ABCC1: variants seen among roughly 807,000 people sequenced by gnomAD.
ABCC1 encodes multidrug resistance-associated protein 1.
In ABCC1, 83 loss-of-function variants were observed where a neutral mutation model predicts 172.9. The observed-to-expected ratio is 0.48, with a 90% CI of 0.40 to 0.58. The LOEUF (loss-of-function observed/expected upper bound fraction) is 0.58, where lower values mean the gene tolerates loss of function less well. ABCC1 is among the 20% of genes least tolerant of loss of function. ABCC1 has a pLI of 0.00. For missense variants in ABCC1, 1,817 were observed against 2,002.7 expected, an observed-to-expected ratio of 0.91 and a Z score of 1.77; for synonymous variants, 937 against 825.2, an observed-to-expected ratio of 1.14 and a Z score of -2.32.
At chr16:16,074,370 C>T (rs1440754568) in intron 14 of ABCC1, among the ~76,000 whole-genome samples, 3 of 152,264 alleles carry the variant, frequency 2.0e-5, no homozygotes, top group Non-Finnish European at 2.9e-5. Context: ...CCCAGTGTCC[C>T]ACATCCCCTC....
intron 26 of ABCC1, among the ~76,000 whole-genome samples, chr16:16,126,946 A>C (rs959325999): frequency 6.6e-6 from 1 of 152,142 alleles, no homozygotes; most frequent in Admixed American, 6.5e-5. Flanking sequence ...CTGGGGAGGG[A>C]CAACAGCTGA....
At chr16:16,004,883 C>T (rs933632206) in intron 1 of ABCC1, among the ~76,000 whole-genome samples, 1 of 151,666 alleles carries the variant, frequency 6.6e-6, no homozygotes, top group African/African-American at 2.4e-5. Flanking sequence ...GCCATGTTGG[C>T]CGGGCTTGTC....
At chr16:16,074,209 C>T (rs568165910) in intron 14 of ABCC1, among the ~76,000 whole-genome samples, 6 of 152,266 alleles carry the variant, frequency 3.9e-5, no homozygotes, top group Middle Eastern at 3.4e-3. Flanking sequence ...ACAGTAGTAT[C>T]CATCCCAATT....
intron 22 of ABCC1, among the ~76,000 whole-genome samples, chr16:16,112,564 C>A (rs2044664392): frequency 6.6e-6 from 1 of 152,226 alleles, no homozygotes; most frequent in South Asian, 2.1e-4. Flanking sequence ...GTTAATATTT[C>A]CCTCATTTTG....
intron 5 of ABCC1, among the ~76,000 whole-genome samples, chr16:16,028,876 C>T (rs962447608): frequency 2.6e-5 from 4 of 152,082 alleles, no homozygotes; most frequent in Admixed American, 6.6e-5. Context: ...CAGGTCTGTC[C>T]GGGTCCACGG....
intron 23 of ABCC1, 72 bp downstream of exon 23, chr16:16,115,148 G>A (rs1296944683): frequency 2.7e-6 from 4 of 1,487,638 alleles, no homozygotes. Context: ...CTAAAGCCTT[G>A]TTTTATCTTA....
chr16:15,973,270 C>A (rs756954900), intron 1 of ABCC1, among the ~76,000 whole-genome samples: 2 of 151,976 alleles, frequency 1.3e-5, no homozygotes, highest in Admixed American at 1.3e-4. Flanking sequence ...TTCTTTAAAT[C>A]GCCTATTATC....
chr16:15,999,314 T>C (rs1334527874), intron 1 of ABCC1, among the ~76,000 whole-genome samples: 1 of 152,024 alleles, frequency 6.6e-6, no homozygotes, highest in Non-Finnish European at 1.5e-5. Flanking sequence ...CAAAAAAATT[T>C]TTTTAAAGAA....
At chr16:16,138,714 C>CTTTTTTT (rs397973927) in intron 30 of ABCC1, among the ~76,000 whole-genome samples, 156 bp downstream of exon 30, 1 of 129,690 alleles carries the variant, frequency 7.7e-6, no homozygotes, top group Non-Finnish European at 1.6e-5. Flanking sequence ...CCAGCTATTT[C>CTTTTTTT]TTTTTTTTTT....
intron 28 of ABCC1, among the ~76,000 whole-genome samples, chr16:16,135,407 G>C (rs1245480171): frequency 2.0e-5 from 3 of 152,100 alleles, no homozygotes. Context: ...TCTTACAAGT[G>C]AGAACACACA....
At chr16:15,968,920 ACAGT>A (rs778363022) in intron 1 of ABCC1, among the ~76,000 whole-genome samples, 11 of 151,804 alleles carry the variant, frequency 7.2e-5, no homozygotes, top group South Asian at 6.2e-4. Context: ...TGTATTGAAA[ACAGT>A]CAGCCAGGTG....
intron 26 of ABCC1, among the ~76,000 whole-genome samples, chr16:16,129,304 G>A (rs2152127541): frequency 6.6e-6 from 1 of 152,266 alleles, no homozygotes; most frequent in South Asian, 2.1e-4. Flanking sequence ...TGGGTCTCAA[G>A]TGCTGAGCAG....
At chr16:16,129,475 A>G (rs1212444331) in intron 26 of ABCC1, among the ~76,000 whole-genome samples, 1 of 152,026 alleles carries the variant, frequency 6.6e-6, no homozygotes, top group Non-Finnish European at 1.5e-5. Context: ...ATGGTGAGAC[A>G]TCGTCTCTAC....
intron 5 of ABCC1, among the ~76,000 whole-genome samples, chr16:16,025,464 C>T (rs1388712892): frequency 6.6e-6 from 1 of 152,226 alleles, no homozygotes; most frequent in East Asian, 1.9e-4. Flanking sequence ...GGTGACAGAG[C>T]TGCGTTTGAG....
chr16:16,017,416 C>T (rs982428828), intron 5 of ABCC1, among the ~76,000 whole-genome samples: 2 of 151,766 alleles, frequency 1.3e-5, no homozygotes, highest in Non-Finnish European at 2.9e-5. Flanking sequence ...CTTTCTTCAA[C>T]TTTTATTTTA....
In ABCC1 at chr16:16,036,530, A is replaced by G; in HGVS notation, c.736A>G (p.Lys246Glu). The G allele has an allele frequency of 6.2e-7, 1 of 1,614,104 alleles. No homozygotes were observed. The highest frequency in any genetic ancestry group is 8.5e-7 in the Non-Finnish European group (1 of 1,179,958). Residue 246 changes from lysine (K) to glutamate (E), a missense_variant, in exon 7 of 31, where the codon AAG (lysine) becomes GAG (glutamate). Physicochemically the swap from Lys to Glu is moderately conservative, Grantham distance 56. Around this residue, in one of 3 missense-constraint regions of ABCC1, gnomAD observed 398 missense variants for 384.2 expected, o/e 1.04. Coordinates refer to ENST00000399410, the MANE Select transcript of ABCC1 (RefSeq NM_004996.4). ...GGGCAGTGACCTCTGGTCCTTAAAC[A>G]AGGAGGACACGTCGGAACAAGTCGT... ...LEGSDLWSLN[K>E]EDTSEQVVPV...
At chr16:16,090,144 G>C (rs45628840) in intron 18 of ABCC1, among the ~76,000 whole-genome samples, 3 of 152,170 alleles carry the variant, frequency 2.0e-5, no homozygotes, top group African/African-American at 7.2e-5. Flanking sequence ...TGGGGCAGGG[G>C]TCTTTGTTTC....
chr16:16,033,994 A>T (rs45541038), intron 6 of ABCC1, among the ~76,000 whole-genome samples: 2 of 137,004 alleles, frequency 1.5e-5, no homozygotes, highest in Non-Finnish European at 3.2e-5. Flanking sequence ...TTGTTTGAAG[A>T]ATCTTTTTTT....
intron 24 of ABCC1, 146 bp downstream of exon 24, chr16:16,122,320 G>T (rs1421768071): frequency 7.3e-6 from 6 of 823,490 alleles, no homozygotes; most frequent in Admixed American, 5.3e-5. Context: ...GATGAGCGCG[G>T]AGGACAGATG....
Sources: gnomAD v4.1 joint callset for allele counts (sites outside exome capture counted in the v4.1 genomes callset) on GRCh38, gnomAD v4.1.1 for gene constraint, gnomAD v4.1.1 regional missense constraint, MANE v1.5 for transcripts, NCBI Gene and HGNC (gene_info 2026-07-23, HGNC 2026-07-21) for gene names.